Variants in CERS6 observed in about 807,000 individuals in gnomAD.
CERS6 encodes the protein LAG1 homolog, ceramide synthase 6.
In CERS6, 26 loss-of-function variants were observed where a neutral mutation model predicts 56.8. The ratio of observed to expected loss-of-function variants is 0.46; its 90% CI spans 0.34 to 0.63. The LOEUF is 0.63. Ranked by LOEUF, CERS6 falls within the 30% of genes least tolerant of loss-of-function variation. The probability of loss-of-function intolerance (pLI) is 0.01; values close to 1 mark genes in which losing one functional copy is unlikely to be tolerated. For missense variants in CERS6, 415 were observed against 467.5 expected, an observed-to-expected ratio of 0.89 and a Z score of 1.04; for synonymous variants, 164 against 173.3, an observed-to-expected ratio of 0.95 and a Z score of 0.42.
chr2:168,518,044 C>A (rs1189799938), intron 1 of CERS6, among the ~76,000 whole-genome samples: 1 of 152,178 alleles, frequency 6.6e-6, no homozygotes, highest in African/African-American at 2.4e-5. Flanking sequence ...AAATACATAA[C>A]CGTTTTAAAG....
chr2:168,523,391 A>G (rs1695017014), intron 1 of CERS6, among the ~76,000 whole-genome samples: 1 of 152,200 alleles, frequency 6.6e-6, no homozygotes, highest in Non-Finnish European at 1.5e-5. Context: ...GAAAACAGAT[A>G]TTTAGAGAGT....
chr2:168,647,342 A>C (rs538280618), intron 4 of CERS6, among the ~76,000 whole-genome samples: 65 of 152,144 alleles, frequency 4.3e-4, no homozygotes, highest in African/African-American at 1.5e-3. Context: ...GGTGTATAGG[A>C]ATGCTAGTGA....
intron 1 of CERS6, among the ~76,000 whole-genome samples, chr2:168,486,677 T>C (rs1294553314): frequency 6.6e-6 from 1 of 152,146 alleles, no homozygotes; most frequent in Non-Finnish European, 1.5e-5. Context: ...CTGCCTTACT[T>C]TTTAACTGCA....
chr2:168,557,000 A>G, intron 2 of CERS6, among the ~76,000 whole-genome samples: 1 of 120,358 alleles, frequency 8.3e-6, no homozygotes, highest in East Asian at 2.0e-4. Context: ...ACAAAAAAAA[A>G]AAAAAAAAAA....
At chr2:168,700,103 C>T (rs1289957969) in intron 6 of CERS6, among the ~76,000 whole-genome samples, 3 of 151,170 alleles carry the variant, frequency 2.0e-5, no homozygotes, top group Non-Finnish European at 4.4e-5. Context: ...GTCTTAAACC[C>T]GAGAGAAACA....
intron 1 of CERS6, among the ~76,000 whole-genome samples, chr2:168,473,927 A>G (rs1307968159): frequency 1.3e-5 from 2 of 152,144 alleles, no homozygotes; most frequent in Non-Finnish European, 2.9e-5. Flanking sequence ...GTGTGGTGGC[A>G]CGCACCTGTA....
intron 2 of CERS6, among the ~76,000 whole-genome samples, chr2:168,560,606 T>G (rs1453900541): frequency 6.6e-6 from 1 of 151,986 alleles, no homozygotes; most frequent in East Asian, 1.9e-4. Context: ...AGAAAACGAA[T>G]AGAAGAGGAA....
Position 168,576,315 on chromosome 2 carries a change from G to A in CERS6, c.407+14993G>A, listed in dbSNP as rs191937137. Among the ~76,000 whole-genome samples the A allele has an allele frequency of 2.5e-3, 387 of 152,262 alleles. 6 individuals are homozygous for A. Among genetic ancestry groups the A allele is most frequent in the Admixed American group, 0.021 (321 of 15,298 alleles). ...TAAATTCCTTCATGACAAAGAGCCA[G>A]TCTTATCCTTTTTTGAGAACCCAGC... On this transcript the variant is annotated intron_variant, in intron 3 of 9. Coordinates refer to ENST00000305747, the MANE Select transcript of CERS6 (RefSeq NM_203463.3).
intron 3 of CERS6, among the ~76,000 whole-genome samples, chr2:168,598,792 A>G (rs1683864978): frequency 6.6e-6 from 1 of 152,328 alleles, no homozygotes; most frequent in Admixed American, 6.5e-5. Flanking sequence ...TTGCGGTGAT[A>G]CAACATAGAA....
intron 8 of CERS6, among the ~76,000 whole-genome samples, chr2:168,725,641 A>G (rs1683329043): frequency 6.6e-6 from 1 of 152,198 alleles, no homozygotes. Context: ...CCAAGTCTTT[A>G]TTTATCATAT....
chr2:168,734,282 T>C (rs1162588993), intron 8 of CERS6, among the ~76,000 whole-genome samples: 1 of 152,144 alleles, frequency 6.6e-6, no homozygotes, highest in Admixed American at 6.5e-5. Flanking sequence ...CATCAGTTAT[T>C]GGCTGGGAGA....
At chr2:168,601,072 C>T (rs1683921826) in intron 3 of CERS6, among the ~76,000 whole-genome samples, 1 of 152,190 alleles carries the variant, frequency 6.6e-6, no homozygotes, top group African/African-American at 2.4e-5. Context: ...CTCACACTCC[C>T]CACCACTCAG....
intron 1 of CERS6, among the ~76,000 whole-genome samples, chr2:168,499,892 T>A (rs892726116): frequency 2.0e-5 from 3 of 152,106 alleles, no homozygotes; most frequent in Non-Finnish European, 2.9e-5. Context: ...CATTTTTTAG[T>A]CTGTGGAAAG....
chr2:168,527,215 CT>C (rs1695086382), intron 1 of CERS6, among the ~76,000 whole-genome samples: 1 of 152,118 alleles, frequency 6.6e-6, no homozygotes, highest in African/African-American at 2.4e-5. Flanking sequence ...TAAAAACAGA[CT>C]TTATTTTTAA....
chr2:168,651,173 G>T (rs191433095), intron 4 of CERS6, among the ~76,000 whole-genome samples: 1 of 152,316 alleles, frequency 6.6e-6, no homozygotes, highest in East Asian at 1.9e-4. Flanking sequence ...GGGGTGTGCA[G>T]TGATGCATGC....
chr2:168,473,564 C>A (rs553864755), intron 1 of CERS6, among the ~76,000 whole-genome samples: 10 of 152,004 alleles, frequency 6.6e-5, no homozygotes, highest in Non-Finnish European at 1.5e-4. Context: ...GTTTCTAGGG[C>A]ATTAATTTTA....
chr2:168,690,324 G>A (rs771079733), intron 4 of CERS6, among the ~76,000 whole-genome samples: 1 of 152,146 alleles, frequency 6.6e-6, no homozygotes, highest in Non-Finnish European at 1.5e-5. Context: ...GAGAAAGTTT[G>A]TGCTGGTCTT....
intron 1 of CERS6, among the ~76,000 whole-genome samples, chr2:168,474,115 A>T (rs1264042809): frequency 6.6e-6 from 1 of 152,162 alleles, no homozygotes; most frequent in Non-Finnish European, 1.5e-5. Context: ...TTGCTCTGAA[A>T]CTTATTTGTC....
At chr2:168,604,252 C>T (rs1683998814) in intron 3 of CERS6, among the ~76,000 whole-genome samples, 1 of 152,204 alleles carries the variant, frequency 6.6e-6, no homozygotes, top group African/African-American at 2.4e-5. Flanking sequence ...GTTTTAGCTA[C>T]TTGAAAGGTT....
Sources: gnomAD v4.1 joint callset for allele counts (sites outside exome capture counted in the v4.1 genomes callset) on GRCh38, gnomAD v4.1.1 for gene constraint, MANE v1.5 for transcripts, NCBI Gene and HGNC (gene_info 2026-07-23, HGNC 2026-07-21) for gene names.